SLC29A4: variants seen among roughly 807,000 people sequenced by gnomAD.
SLC29A4 encodes the protein solute carrier family 29 member 4.
Under a neutral mutation model 43.9 loss-of-function variants are expected in SLC29A4, and 36 were observed. The ratio of observed to expected loss-of-function variants is 0.82; its 90% CI spans 0.63 to 1.08. SLC29A4 has a LOEUF of 1.08. SLC29A4 is among the 50% of genes least tolerant of loss of function. The pLI, the probability that SLC29A4 is intolerant of heterozygous loss-of-function variation, is 0.00. For missense variants in SLC29A4, 869 were observed against 755.3 expected (o/e 1.15, Z -1.77); for synonymous variants, 491 against 338.0 (o/e 1.45, Z -4.97).
At chr7:5,296,535 G>T (rs1461277181) in intron 6 of SLC29A4, among the ~76,000 whole-genome samples, 1 of 88,874 alleles carries the variant, frequency 1.1e-5, no homozygotes, top group Admixed American at 1.2e-4. Context: ...AAGGGAGGTG[G>T]GGTGGGGAGT....
At position 5,297,096 on chromosome 7, in the gene SLC29A4, C is replaced by T. The variant is rs1344913313; in HGVS notation, c.780C>T (p.Phe260=). 3 of 1,607,772 alleles carry T rather than the reference C, an allele frequency of 1.9e-6. No homozygotes were observed. The highest frequency in any genetic ancestry group is 2.7e-5 in the African/African-American group (2 of 74,892). ...LLVRRSRFVL[F]YTTRPRDSHR... Reference sequence around the variant, plus strand: ...TGCGGCGCAGCCGCTTCGTGCTCTTCTATACCACACGGCCGCGTGACAGCC... The same window carrying T: ...TGCGGCGCAGCCGCTTCGTGCTCTTTTATACCACACGGCCGCGTGACAGCC... Residue 260 remains phenylalanine, a synonymous_variant, in exon 7 of 11, where the codon TTC becomes TTT. Coordinates refer to ENST00000396872, the MANE Select transcript of SLC29A4 (RefSeq NM_153247.4).
rs1217811356 is a variant in SLC29A4, at chr7:5,302,867, C to T, written c.1521C>T (p.Ser507=). ...LGSAVAYCTY[S]LTRDAHGSCL... is the part of the protein sequence containing the mutation. ...CCGCCGTGGCCTACTGCACCTACAG[C>T]CTCACCCGCGACGCTCACGGCAGCT... The change falls in exon 11 of 11, where the codon AGC becomes AGT. Residue 507 remains serine (S), a synonymous_variant. Transcript: ENST00000396872. 2.5e-6 allele frequency: 4 copies of T among 1,602,248 alleles called. No homozygotes were observed. In the African/African-American group the frequency reaches 5.4e-5, roughly 21 times the overall value.
intron 1 of SLC29A4, among the ~76,000 whole-genome samples, chr7:5,284,592 A>AG (rs952539099): frequency 2.6e-5 from 4 of 152,212 alleles, no homozygotes; most frequent in South Asian, 2.1e-4. Context: ...ATTTTAACTA[A>AG]GGGGGGACAG....
Position 5,305,426 on chromosome 7 carries a change from C to G in SLC29A4, c.*2487C>G, listed in dbSNP as rs1454897528. Reference sequence around the variant, plus strand: ...TGGGCAGCCAGACCCCCACCTATAGCTTCCCTAGGCCCCAGTGCAGAGATG... The same window carrying G: ...TGGGCAGCCAGACCCCCACCTATAGGTTCCCTAGGCCCCAGTGCAGAGATG... On this transcript the variant is annotated 3_prime_UTR_variant, in exon 11 of 11. Transcript: ENST00000396872. The G allele has an allele frequency of 2.0e-5, 3 of 152,368 alleles. No homozygotes were observed. Among genetic ancestry groups the G allele is most frequent in the Non-Finnish European group, 4.4e-5 (3 of 68,152 alleles). 9.4% of individuals were successfully genotyped at this position (152,368 alleles called of 1,614,324 possible).
chr7:5,300,358 C>CG, intron 9 of SLC29A4, 64 bp from the exon 10 acceptor site: 1 of 1,593,892 alleles, frequency 6.3e-7, no homozygotes. Context: ...TAGAGGCTGT[C>CG]GGGGGTGTGA....
At chr7:5,286,995 A>G (rs949984178) in intron 1 of SLC29A4, among the ~76,000 whole-genome samples, 12 of 151,940 alleles carry the variant, frequency 7.9e-5, no homozygotes, top group African/African-American at 2.9e-4. Context: ...CACTCCATCT[A>G]TTTCTCACCG....
chr7:5,298,417 G>A (rs1785867251), intron 7 of SLC29A4, among the ~76,000 whole-genome samples: 1 of 152,172 alleles, frequency 6.6e-6, no homozygotes, highest in Non-Finnish European at 1.5e-5. Context: ...GAGGTCATAG[G>A]GGACCAGATG....
chr7:5,296,970 C>G lies in SLC29A4; in HGVS notation c.654C>G (p.Ile218Met), dbSNP rs1287661040. The G allele has an allele frequency of 3.8e-6, 6 of 1,599,868 alleles. No individual in the cohort carries two copies. Among genetic ancestry groups the G allele is most frequent in the Non-Finnish European group, 4.2e-6 (5 of 1,179,054 alleles). ...GCGTGATGATCTCTCTGAGCCGCAT[C>G]CTCACGAAGCTGCTGCTGCCCGACG... ...TAGVMISLSR[I>M]LTKLLLPDER... is the part of the protein sequence containing the mutation. The change falls in exon 7 of 11, where the codon ATC becomes ATG. Residue 218 changes from isoleucine (I) to methionine (M), a missense_variant. Physicochemically the swap from Ile to Met is conservative, Grantham distance 10. Transcript: ENST00000396872.
chr7:5,300,299 G>A (rs900247175), intron 9 of SLC29A4, 123 bp from the exon 10 acceptor site: 4 of 1,432,932 alleles, frequency 2.8e-6, no homozygotes, highest in African/African-American at 1.4e-5. Context: ...GGGCAGGGGT[G>A]CAGGCTGAGC....
chr7:5,302,102 C>T (rs1786210997), intron 10 of SLC29A4, among the ~76,000 whole-genome samples: 1 of 152,180 alleles, frequency 6.6e-6, no homozygotes, highest in Non-Finnish European at 1.5e-5. Flanking sequence ...GGATGCCCCC[C>T]ACCATACCTG....
In SLC29A4 at chr7:5,305,227, C is replaced by G. The variant is rs1356381028; in HGVS notation, c.*2288C>G. ...CTCTGGCAGGCATCCTCCCTGGGGC[C>G]CAGGTGGGCGGCCACTTGGGCCAAG... On this transcript the variant is annotated 3_prime_UTR_variant, in exon 11 of 11. Coordinates refer to ENST00000396872, the MANE Select transcript of SLC29A4 (RefSeq NM_153247.4). The G allele has an allele frequency of 6.6e-6, 1 of 152,336 alleles. No individual in the cohort carries two copies. The highest frequency in any genetic ancestry group is 1.5e-5 in the Non-Finnish European group (1 of 68,100). The allele number at this position is 152,336 out of a possible 1,614,324, so 9.4% of individuals were successfully genotyped here. A position where few individuals can be genotyped will look rare whatever the true frequency, so the allele number is the denominator to read the frequency against.
intron 5 of SLC29A4, among the ~76,000 whole-genome samples, chr7:5,294,644 A>G (rs1165059990): frequency 6.6e-6 from 1 of 152,128 alleles, no homozygotes; most frequent in East Asian, 1.9e-4. Flanking sequence ...TCATTTCTGC[A>G]GACGTTTCAT....
chr7:5,293,437 T>A (rs1233662223), intron 5 of SLC29A4, among the ~76,000 whole-genome samples: 1 of 152,172 alleles, frequency 6.6e-6, no homozygotes, highest in Non-Finnish European at 1.5e-5. Context: ...CCCAAAGTGC[T>A]AGGATTACAG....
At chr7:5,290,634 C>G (rs1785242860) in intron 2 of SLC29A4, 98 bp from the exon 3 acceptor site, 4 of 1,480,254 alleles carry the variant, frequency 2.7e-6, no homozygotes, top group African/African-American at 2.8e-5. Flanking sequence ...TGGACAGTGG[C>G]TATGGTGATG....
At chr7:5,284,115 GTGGCTCACTCC>G (rs1784824384) in intron 1 of SLC29A4, among the ~76,000 whole-genome samples, 1 of 149,812 alleles carries the variant, frequency 6.7e-6, no homozygotes, top group South Asian at 2.1e-4. Flanking sequence ...GCCAGAAGCA[GTGGCTCACTCC>G]TGTAATCTTG....
chr7:5,295,779 G>C (rs1264217087), intron 6 of SLC29A4, among the ~76,000 whole-genome samples: 3 of 91,608 alleles, frequency 3.3e-5, no homozygotes. Context: ...CTCCCACGTG[G>C]GAGGTCCTGG....
chr7:5,302,904 T>G lies in SLC29A4; in HGVS notation c.1558T>G (p.Ser520Ala). Residue 520 changes from serine (S) to alanine (A), a missense_variant, in exon 11 of 11, where the codon TCC (serine) becomes GCC (alanine). Ser to Ala is a moderately conservative substitution (Grantham distance 99, BLOSUM62 1). Coordinates refer to ENST00000396872, the MANE Select transcript of SLC29A4 (RefSeq NM_153247.4). ...RDAHGSCLHA[S>A]TANGSILAGL The stretch of plus-strand genomic sequence containing the variant: ...CGCTCACGGCAGCTGCCTGCACGCC[T>G]CCACCGCCAATGGTTCCATCCTCGC... The G allele has an allele frequency of 6.2e-7, 1 of 1,606,972 alleles. No individual in the cohort carries two copies. The highest frequency in any genetic ancestry group is 8.5e-7 in the Non-Finnish European group (1 of 1,177,652).
intron 6 of SLC29A4, 42 bp from the exon 7 acceptor site, chr7:5,296,894 G>A (rs748185132): frequency 6.5e-7 from 1 of 1,537,806 alleles, no homozygotes; most frequent in East Asian, 2.3e-5. Context: ...GGTGCAGGGA[G>A]CTGGGCGGAT....
Position 5,305,200 on chromosome 7 carries a change from T to C in SLC29A4, c.*2261T>C, listed in dbSNP as rs2128094440. ...TAAAGGAGGGCACGAGGGCCACCTATGCTCTGGCAGGCATCCTCCCTGGGG... is the reference window on the plus strand; with the variant it reads ...TAAAGGAGGGCACGAGGGCCACCTACGCTCTGGCAGGCATCCTCCCTGGGG... On this transcript the variant is annotated 3_prime_UTR_variant, in exon 11 of 11. Coordinates refer to ENST00000396872, the MANE Select transcript of SLC29A4 (RefSeq NM_153247.4). The C allele has an allele frequency of 6.6e-6, 1 of 152,554 alleles. No homozygotes were observed. The highest frequency in any genetic ancestry group is 1.9e-4 in the East Asian group (1 of 5,190). The allele number at this position is 152,554 out of a possible 1,614,324, so 9.5% of individuals were successfully genotyped here.
Sources: gnomAD v4.1 joint callset for allele counts (sites outside exome capture counted in the v4.1 genomes callset) on GRCh38, gnomAD v4.1.1 for gene constraint, MANE v1.5 for transcripts, NCBI Gene and HGNC (gene_info 2026-07-23, HGNC 2026-07-21) for gene names.